NEK11: variants seen among roughly 807,000 people sequenced by gnomAD.
NEK11 encodes the protein NIMA related kinase 11, also known as serine/threonine-protein kinase Nek11.
A neutral mutation model predicts 80.7 loss-of-function variants in NEK11; 72 were observed. The ratio of observed to expected loss-of-function variants is 0.89; its 90% CI spans 0.74 to 1.08. The LOEUF is 1.08. Ranked by LOEUF, NEK11 falls within the 50% of genes least tolerant of loss-of-function variation. The pLI is 0.00. For missense variants in NEK11, 764 were observed against 763.6 expected (o/e 1.00, Z -0.01); for synonymous variants, 251 against 260.7 (o/e 0.96, Z 0.36).
At chr3:131,035,279 A>G (rs1474030335) in intron 3 of NEK11, among the ~76,000 whole-genome samples, 1 of 152,224 alleles carries the variant, frequency 6.6e-6, no homozygotes, top group African/African-American at 2.4e-5. Flanking sequence ...TAGGGGGCCA[A>G]GAGTTGATGC....
intron 17 of NEK11, among the ~76,000 whole-genome samples, chr3:131,302,280 C>G (rs533588609): frequency 6.6e-6 from 1 of 151,760 alleles, no homozygotes; most frequent in South Asian, 2.1e-4. Flanking sequence ...AGTGGTGTAT[C>G]AGTCTTATTT....
At chr3:131,067,038 A>G (rs181670654) in intron 3 of NEK11, among the ~76,000 whole-genome samples, 7 of 152,280 alleles carry the variant, frequency 4.6e-5, no homozygotes, top group African/African-American at 7.2e-5. Context: ...TATGGCGCTT[A>G]CTATTGCCAT....
intron 17 of NEK11, among the ~76,000 whole-genome samples, chr3:131,287,453 T>G (rs1396298497): frequency 6.6e-6 from 1 of 152,046 alleles, no homozygotes; most frequent in East Asian, 1.9e-4. Flanking sequence ...TTTACATTTT[T>G]AGTAGAGATG....
At chr3:131,265,335 G>C (rs1485551418) in intron 16 of NEK11, among the ~76,000 whole-genome samples, 1 of 152,174 alleles carries the variant, frequency 6.6e-6, no homozygotes, top group East Asian at 1.9e-4. Flanking sequence ...CATTCAGTAT[G>C]ATACTGGCTG....
chr3:131,295,164 A>G (rs1031307175), intron 17 of NEK11, among the ~76,000 whole-genome samples: 3 of 151,932 alleles, frequency 2.0e-5, no homozygotes, highest in East Asian at 3.9e-4. Context: ...TTCCATTTCT[A>G]TCTTCTAGTC....
intron 10 of NEK11, among the ~76,000 whole-genome samples, chr3:131,159,696 C>T (rs1432894648): frequency 1.3e-5 from 2 of 151,830 alleles, no homozygotes; most frequent in South Asian, 2.1e-4. Context: ...ACCTGGGAGG[C>T]GGAGGTTGCA....
intron 14 of NEK11, among the ~76,000 whole-genome samples, chr3:131,227,978 G>A (rs78091824): frequency 0.019 from 2,831 of 152,114 alleles, 41 homozygotes; most frequent in East Asian, 0.085. Context: ...CATCTCAAAA[G>A]CCATCATTAC....
chr3:131,335,548 A>C (rs1415897399), intron 17 of NEK11, among the ~76,000 whole-genome samples: 3 of 152,226 alleles, frequency 2.0e-5, no homozygotes, highest in East Asian at 3.8e-4. Context: ...TTCCCTTTGA[A>C]AACTGGCACA....
intron 11 of NEK11, among the ~76,000 whole-genome samples, chr3:131,164,645 A>G (rs1185073710): frequency 6.6e-6 from 1 of 152,228 alleles, no homozygotes; most frequent in Non-Finnish European, 1.5e-5. Context: ...TATCTTTCAC[A>G]TGATACACTA....
At chr3:131,330,254 G>A (rs2097054261) in intron 17 of NEK11, 1 of 152,200 alleles carries the variant, frequency 6.6e-6, no homozygotes, top group South Asian at 2.1e-4. Flanking sequence ...AGACTGAATA[G>A]TATTAAGATA....
At chr3:131,120,953 A>T (rs917359037) in intron 5 of NEK11, among the ~76,000 whole-genome samples, 1 of 152,026 alleles carries the variant, frequency 6.6e-6, no homozygotes, top group Non-Finnish European at 1.5e-5. Context: ...GAAGTTTGTT[A>T]TTACCTATCG....
At chr3:131,173,376 A>G (rs1458416584) in intron 14 of NEK11, among the ~76,000 whole-genome samples, 1 of 152,132 alleles carries the variant, frequency 6.6e-6, no homozygotes, top group Non-Finnish European at 1.5e-5. Context: ...TGGAGGACAG[A>G]GCCATCACTA....
At chr3:131,080,090 G>A (rs1577964144) in intron 3 of NEK11, among the ~76,000 whole-genome samples, 2 of 151,878 alleles carry the variant, frequency 1.3e-5, no homozygotes, top group Admixed American at 1.3e-4. Flanking sequence ...GAAAGAGACA[G>A]ACAGAAATAG....
At position 131,075,095 on chromosome 3, in the gene NEK11, A is replaced by C. The variant is rs74868539; in HGVS notation, c.171-5328A>C. On this transcript the variant is annotated intron_variant, in intron 3 of 17. Transcript: ENST00000383366. ...CTACAGTTTGCCATTCCTGCACTGC[A>C]CCATGATGCCCCTTTAACCCCTGCT... is the stretch of plus-strand genomic sequence containing the variant. 8.4e-3 allele frequency among the ~76,000 whole-genome samples: 1,286 copies of C among 152,240 alleles called. 18 individuals are homozygous for C. Among genetic ancestry groups the C allele is most frequent in the African/African-American group, 0.029 (1,223 of 41,538 alleles).
chr3:131,087,990 C>T (rs932836324), intron 4 of NEK11: 1 of 152,274 alleles, frequency 6.6e-6, no homozygotes, highest in Non-Finnish European at 1.5e-5. Flanking sequence ...GAACTCAAAT[C>T]AGGCATCCAC....
intron 4 of NEK11, among the ~76,000 whole-genome samples, chr3:131,097,714 G>T (rs2077659853): frequency 1.3e-5 from 2 of 150,934 alleles, no homozygotes; most frequent in Non-Finnish European, 3.0e-5. Flanking sequence ...TCAATATCGT[G>T]AAAATGGCCA....
rs187864321 is a variant in NEK11, at chr3:131,337,775, G to C, written c.1719-11782G>C. On this transcript the variant is annotated intron_variant, in intron 17 of 17. Coordinates refer to ENST00000383366, the MANE Select transcript of NEK11 (RefSeq NM_024800.5). ...GCACAGCTAGCTAGGAGCAAAGCCT[G>C]AATGAGAATCAATCTGAACCCCCCC... Among the ~76,000 whole-genome samples, 5 of 152,168 alleles carry C rather than the reference G, an allele frequency of 3.3e-5. No homozygotes were observed. The East Asian group carries it at 9.7e-4, about 29-fold the overall frequency.
intron 14 of NEK11, among the ~76,000 whole-genome samples, chr3:131,216,560 G>A (rs1447557697): frequency 1.3e-5 from 2 of 151,906 alleles, no homozygotes; most frequent in Admixed American, 1.3e-4. Flanking sequence ...ATATGAGTGT[G>A]TTTATTTCAC....
intron 14 of NEK11, among the ~76,000 whole-genome samples, chr3:131,176,168 C>G (rs777948909): frequency 2.6e-5 from 4 of 152,260 alleles, no homozygotes; most frequent in Non-Finnish European, 5.9e-5. Context: ...CTAAAAGGAC[C>G]TAGTGCTCAC....
Sources: allele counts gnomAD v4.1 joint callset (sites outside exome capture counted in the v4.1 genomes callset), GRCh38; gene constraint gnomAD v4.1.1; transcripts MANE v1.5; gene names NCBI Gene and HGNC (gene_info 2026-07-23, HGNC 2026-07-21).